The following ST6GAL1 variants were observed in gnomAD, a reference collection of about 807,000 sequenced individuals.
The protein encoded by ST6GAL1 is ST6 beta-galactoside alpha-2,6-sialyltransferase 1.
ST6GAL1 carries 20 observed loss-of-function variants against 38.0 expected under a neutral mutation model. The observed-to-expected ratio is 0.53, with a 90% CI of 0.37 to 0.77. The LOEUF (loss-of-function observed/expected upper bound fraction) is 0.77. Among genes scored for constraint, ST6GAL1 ranks in the 30% least tolerant of loss-of-function variants. The pLI is 0.00. For missense variants in ST6GAL1, 432 were observed against 496.4 expected, an observed-to-expected ratio of 0.87 and a Z score of 1.23; for synonymous variants, 196 against 188.2, an observed-to-expected ratio of 1.04 and a Z score of -0.34.
chr3:186,983,982 T>C (rs1715778344), intron 2 of ST6GAL1, among the ~76,000 whole-genome samples: 1 of 152,188 alleles, frequency 6.6e-6, no homozygotes, highest in South Asian at 2.1e-4. Context: ...CTTTACGCTC[T>C]GTTTGACAGT....
chr3:186,956,388 T>C (rs532814721), intron 1 of ST6GAL1, among the ~76,000 whole-genome samples: 1 of 152,324 alleles, frequency 6.6e-6, no homozygotes, highest in South Asian at 2.1e-4. Flanking sequence ...TTCTTCCTGG[T>C]AAATTAGTAT....
intron 2 of ST6GAL1, among the ~76,000 whole-genome samples, chr3:187,016,903 G>T (rs527847507): frequency 6.6e-6 from 1 of 152,328 alleles, no homozygotes; most frequent in South Asian, 2.1e-4. Flanking sequence ...GGAGACAGAA[G>T]TGAAAGGCCC....
chr3:187,047,526 T>C (rs1020589400), intron 4 of ST6GAL1, among the ~76,000 whole-genome samples: 1 of 152,174 alleles, frequency 6.6e-6, no homozygotes. Flanking sequence ...ATAATCTGAA[T>C]ACAGTGATGC....
chr3:187,018,716 A>C (rs1717198933), intron 2 of ST6GAL1, among the ~76,000 whole-genome samples: 1 of 152,096 alleles, frequency 6.6e-6, no homozygotes, highest in African/African-American at 2.4e-5. Context: ...CTTTGGCAAC[A>C]CCCTCACAGA....
chr3:187,010,447 C>A (rs1318520984), intron 2 of ST6GAL1, among the ~76,000 whole-genome samples: 1 of 152,184 alleles, frequency 6.6e-6, no homozygotes, highest in African/African-American at 2.4e-5. Context: ...GAGGCAGAGA[C>A]AAGAGTAGAA....
intron 5 of ST6GAL1, chr3:187,064,574 T>C (rs899529792): frequency 2.2e-6 from 1 of 456,602 alleles, no homozygotes; most frequent in Admixed American, 2.3e-5. Context: ...CTTCCCGGGA[T>C]ACACTACCCA....
rs187895906 is a variant in ST6GAL1 at position 186,996,218 on chromosome 3, T to G, written c.-183+32292T>G. On this transcript the variant is annotated intron_variant, in intron 2 of 7. Coordinates refer to ENST00000169298, the MANE Select transcript of ST6GAL1 (RefSeq NM_173216.2). ...GACTTCAGATCTTCACCCAAGAAAC[T>G]CTGTGTATTTGCTTTTCCTGGGCCA... is the stretch of plus-strand genomic sequence containing the variant. Among the ~76,000 whole-genome samples the G allele has an allele frequency of 1.1e-3, 171 of 152,308 alleles. 2 individuals carry two copies. Among genetic ancestry groups the G allele is most frequent in the African/African-American group, 3.8e-3 (160 of 41,564 alleles).
intron 5 of ST6GAL1, among the ~76,000 whole-genome samples, chr3:187,066,896 AG>A (rs1719165690): frequency 6.6e-6 from 1 of 151,934 alleles, no homozygotes; most frequent in African/African-American, 2.4e-5. Flanking sequence ...TTATTCTTCC[AG>A]GAACAGCTGG....
chr3:187,052,946 C>T (rs539580342), intron 5 of ST6GAL1, among the ~76,000 whole-genome samples: 1 of 152,212 alleles, frequency 6.6e-6, no homozygotes, highest in African/African-American at 2.4e-5. Context: ...TCTCCACATC[C>T]TCTCCAGCAT....
At chr3:186,968,629 A>T (rs1442188597) in intron 2 of ST6GAL1, among the ~76,000 whole-genome samples, 2 of 152,042 alleles carry the variant, frequency 1.3e-5, no homozygotes, top group African/African-American at 4.8e-5. Flanking sequence ...AAATGGAATT[A>T]TACAGCATGC....
chr3:186,931,747 C>A (rs957175086), intron 1 of ST6GAL1, among the ~76,000 whole-genome samples: 3 of 152,210 alleles, frequency 2.0e-5, no homozygotes, highest in African/African-American at 7.2e-5. Flanking sequence ...GTCCGTGTGC[C>A]CAGACACCCC....
chr3:187,062,706 A>C (rs1718964355), intron 5 of ST6GAL1, among the ~76,000 whole-genome samples: 1 of 152,170 alleles, frequency 6.6e-6, no homozygotes, highest in African/African-American at 2.4e-5. Flanking sequence ...CAAGACTGAA[A>C]AAGTTTTGGA....
intron 2 of ST6GAL1, among the ~76,000 whole-genome samples, chr3:187,021,412 T>G (rs1396201176): frequency 6.6e-6 from 1 of 152,094 alleles, no homozygotes; most frequent in African/African-American, 2.4e-5. Context: ...AAGGCAAGGT[T>G]TTTATGTTTT....
intron 2 of ST6GAL1, among the ~76,000 whole-genome samples, chr3:186,987,210 A>G (rs1257897526): frequency 2.6e-5 from 4 of 151,374 alleles, no homozygotes; most frequent in Non-Finnish European, 5.9e-5. Context: ...GAAGGAAAGA[A>G]AAGGAAAGAA....
At chr3:187,026,918 G>A (rs551648950) in intron 2 of ST6GAL1, among the ~76,000 whole-genome samples, 121 of 151,974 alleles carry the variant, frequency 8.0e-4, no homozygotes, top group Middle Eastern at 3.4e-3. Flanking sequence ...GCATGGTGGC[G>A]GGCACCTGTA....
At chr3:187,026,879 A>G (rs1353305503) in intron 2 of ST6GAL1, among the ~76,000 whole-genome samples, 1 of 152,056 alleles carries the variant, frequency 6.6e-6, no homozygotes, top group Non-Finnish European at 1.5e-5. Context: ...CCCCATCTCT[A>G]CTAAAAACAC....
chr3:186,951,598 A>G (rs1441631602), intron 1 of ST6GAL1, among the ~76,000 whole-genome samples: 3 of 152,232 alleles, frequency 2.0e-5, no homozygotes, highest in Admixed American at 1.3e-4. Flanking sequence ...GTTGAGAAGC[A>G]TGACCATTCC....
chr3:186,961,806 G>A (rs1311954305), intron 1 of ST6GAL1, among the ~76,000 whole-genome samples: 1 of 152,186 alleles, frequency 6.6e-6, no homozygotes, highest in Non-Finnish European at 1.5e-5. Context: ...TACAAGAGCT[G>A]GCTAGGGAGA....
intron 5 of ST6GAL1, among the ~76,000 whole-genome samples, chr3:187,059,629 C>G (rs892787256): frequency 7.9e-5 from 12 of 152,180 alleles, no homozygotes; most frequent in African/African-American, 2.9e-4. Flanking sequence ...AGTTACTTCT[C>G]TCTAAAAAAG....
Sources: gnomAD v4.1 joint callset for allele counts (sites outside exome capture counted in the v4.1 genomes callset) on GRCh38, gnomAD v4.1.1 for gene constraint, MANE v1.5 for transcripts, NCBI Gene and HGNC (gene_info 2026-07-23, HGNC 2026-07-21) for gene names.